The following FBXO34 variants were observed in gnomAD, a reference collection of about 807,000 sequenced individuals.
FBXO34 encodes F-box protein 34, also known as F-box only protein 34.
A neutral mutation model predicts 24.5 loss-of-function variants in FBXO34; 12 were observed. The observed-to-expected ratio is 0.49, with a 90% CI of 0.31 to 0.79. The LOEUF (loss-of-function observed/expected upper bound fraction) is 0.79, where lower values mean the gene tolerates loss of function less well. FBXO34 is among the 30% of genes least tolerant of loss of function. FBXO34 has a pLI of 0.04. For missense variants in FBXO34, 823 were observed against 857.7 expected (o/e 0.96, Z 0.51); for synonymous variants, 320 against 311.9 (o/e 1.03, Z -0.27).
the FBXO34 span, among the ~76,000 whole-genome samples, chr14:55,410,823 C>CGAT: frequency 3.3e-5 from 5 of 152,230 alleles, no homozygotes; most frequent in Non-Finnish European, 7.3e-5. Flanking sequence ...CTATCATTGA[C>CGAT]TATCATTGAC....
intron 1 of FBXO34, among the ~76,000 whole-genome samples, chr14:55,275,861 GCT>G: frequency 6.9e-6 from 1 of 145,248 alleles, no homozygotes; most frequent in Non-Finnish European, 1.5e-5. Flanking sequence ...ACTATGTTAT[GCT>G]AGATTGGCCA....
the FBXO34 span, among the ~76,000 whole-genome samples, chr14:55,412,378 T>A: frequency 2.5e-3 from 378 of 152,348 alleles, no homozygotes; most frequent in Non-Finnish European, 4.4e-3. Flanking sequence ...TGAGGATTAA[T>A]ATGGTTAATA....
chr14:55,305,100 A>C (rs1222339454), intron 1 of FBXO34, among the ~76,000 whole-genome samples: 3 of 152,174 alleles, frequency 2.0e-5, no homozygotes, highest in Non-Finnish European at 4.4e-5. Context: ...TGGAATTGCA[A>C]CTGAAAAAGA....
At chr14:55,323,184 CAAAAAAAAAAAAAA>C (rs368380622) in intron 1 of FBXO34, among the ~76,000 whole-genome samples, 4 of 12,166 alleles carry the variant, frequency 3.3e-4, no homozygotes, top group East Asian at 3.5e-3. Flanking sequence ...GACTCTGTCT[CAAAAAAAAAAAAAA>C]AAAAAAAAAA....
downstream of FBXO34, among the ~76,000 whole-genome samples, chr14:55,357,691 TA>T (rs1394001586): frequency 2.6e-5 from 4 of 152,158 alleles, no homozygotes; most frequent in Non-Finnish European, 5.9e-5. Flanking sequence ...CACACACCTG[TA>T]GCCCCTGCTA....
the FBXO34 span, among the ~76,000 whole-genome samples, chr14:55,421,071 A>AAAG: frequency 6.6e-6 from 1 of 151,660 alleles, no homozygotes; most frequent in Non-Finnish European, 1.5e-5. Flanking sequence ...AAAAAAAAAA[A>AAAG]AAAAAAAGAA....
the FBXO34 span, among the ~76,000 whole-genome samples, chr14:55,430,302 T>G: frequency 7.7e-4 from 117 of 151,746 alleles, no homozygotes; most frequent in African/African-American, 2.7e-3. Flanking sequence ...TGTTTGATTC[T>G]CTTATCCAGA....
intron 1 of FBXO34, among the ~76,000 whole-genome samples, chr14:55,343,077 G>T (rs1187714165): frequency 6.6e-6 from 1 of 152,110 alleles, no homozygotes; most frequent in African/African-American, 2.4e-5. Flanking sequence ...CTAATCATTT[G>T]TACAATGGTC....
At position 55,346,113 on chromosome 14, in the gene FBXO34, T is replaced by C. The variant is rs563591677; in HGVS notation, c.-10-4268T>C. Among the ~76,000 whole-genome samples the C allele has an allele frequency of 2.6e-5, 4 of 152,352 alleles. No homozygotes were observed. The East Asian group carries it at 7.7e-4, about 29-fold the overall frequency. On this transcript the variant is annotated intron_variant, in intron 1 of 1. Coordinates refer to ENST00000313833, the MANE Select transcript of FBXO34 (RefSeq NM_017943.4). The stretch of plus-strand genomic sequence containing the variant: ...GCTACATGTTTTATGGTCTTGGTCT[T>C]GGCTGCCTTCAAATTGTATCTTAAT...
chr14:55,380,273 CAA>C, the FBXO34 span, among the ~76,000 whole-genome samples: 1 of 151,722 alleles, frequency 6.6e-6, no homozygotes, highest in Non-Finnish European at 1.5e-5. Flanking sequence ...ACAACAACAA[CAA>C]ATCAAAGAAT....
chr14:55,289,402 G>A (rs72715763), intron 1 of FBXO34, among the ~76,000 whole-genome samples: 1,703 of 152,216 alleles, frequency 0.011, 14 homozygotes, highest in Middle Eastern at 0.027. Flanking sequence ...CACAAAAGGT[G>A]CAAAAAATGA....
intron 1 of FBXO34, among the ~76,000 whole-genome samples, chr14:55,342,901 C>T (rs1163970858): frequency 6.6e-6 from 1 of 152,190 alleles, no homozygotes; most frequent in African/African-American, 2.4e-5. Context: ...TATCATCCTT[C>T]ATAGTGGGGA....
chr14:55,357,853 TAAATAAA>T (rs1447683748), downstream of FBXO34, among the ~76,000 whole-genome samples: 4 of 152,280 alleles, frequency 2.6e-5, no homozygotes, highest in South Asian at 2.1e-4. Context: ...ATCAATTAGT[TAAATAAA>T]AAATAAAAAA....
Position 55,352,486 on chromosome 14 carries a change from A to C in FBXO34, c.2096A>C (p.His699Pro). Residue 699 changes from histidine to proline, a missense_variant, in exon 2 of 2, where the codon CAT (histidine) becomes CCT (proline). Coordinates refer to ENST00000313833, the MANE Select transcript of FBXO34 (RefSeq NM_017943.4). ...TGCCACAGCTTTAATCGGGCAATCC[A>C]TAAGAAAGCAAAAGGGACTGAAGCT... Reference protein sequence around the residue: ...PACHSFNRAIHKKAKGTEAEE... With the variant: ...PACHSFNRAIPKKAKGTEAEE... 1 of 1,612,710 alleles carries C rather than the reference A, an allele frequency of 6.2e-7. No individual in the cohort carries two copies. The highest frequency in any genetic ancestry group is 8.5e-7 in the Non-Finnish European group (1 of 1,179,328).
intron 3 of FBXO34, among the ~76,000 whole-genome samples, chr14:55,360,799 A>G (rs1884583906): frequency 3.9e-5 from 6 of 151,960 alleles, no homozygotes; most frequent in Admixed American, 3.9e-4. Context: ...GGAGTTTGAG[A>G]CCAGCTTGGC....
At chr14:55,436,643 C>T in the FBXO34 span, 535 of 1,614,110 alleles carry the variant, frequency 3.3e-4, 1 homozygote, top group Middle Eastern at 3.8e-3. Flanking sequence ...GACAAGGAGT[C>T]GGAGTTTGGT....
At chr14:55,281,279 A>T (rs907463743) in intron 1 of FBXO34, among the ~76,000 whole-genome samples, 6 of 148,410 alleles carry the variant, frequency 4.0e-5, no homozygotes, top group Admixed American at 3.3e-4. Context: ...AAAAAAAAGC[A>T]CATCTCAGTT....
chr14:55,440,848 G>GA, the FBXO34 span, among the ~76,000 whole-genome samples: 1,828 of 151,004 alleles, frequency 0.012, 40 homozygotes, highest in African/African-American at 0.04. Context: ...TGGAAAGTGA[G>GA]AAAAAAAAAG....
chr14:55,388,868 G>A, the FBXO34 span, among the ~76,000 whole-genome samples: 10 of 152,150 alleles, frequency 6.6e-5, no homozygotes, highest in South Asian at 4.1e-4. Context: ...AAAGTGTGGC[G>A]TCTAGATCTG....
Sources: allele counts gnomAD v4.1 joint callset (sites outside exome capture counted in the v4.1 genomes callset), GRCh38; gene constraint gnomAD v4.1.1; transcripts MANE v1.5; gene names NCBI Gene and HGNC (gene_info 2026-07-23, HGNC 2026-07-21).